Variants in SNRNP48 observed in about 807,000 individuals in gnomAD.
The protein encoded by SNRNP48 is U11/U12 small nuclear ribonucleoprotein 48 kDa protein.
In SNRNP48, 43 loss-of-function variants were observed where a neutral mutation model predicts 47.0. That is an observed-to-expected ratio of 0.92 (90% CI 0.72 to 1.18). SNRNP48 has a LOEUF of 1.18. SNRNP48 is among the 50% of genes most tolerant of loss of function. The probability of loss-of-function intolerance (pLI) is 0.00; values close to 1 mark genes in which losing one functional copy is unlikely to be tolerated. For missense variants in SNRNP48, 396 were observed against 422.2 expected, an observed-to-expected ratio of 0.94 and a Z score of 0.54; for synonymous variants, 138 against 144.0, an observed-to-expected ratio of 0.96 and a Z score of 0.30.
intron 8 of SNRNP48, among the ~76,000 whole-genome samples, chr6:7,606,784 T>A (rs1760137373): frequency 6.6e-6 from 1 of 152,214 alleles, no homozygotes; most frequent in Non-Finnish European, 1.5e-5. Context: ...TAAACTTACC[T>A]TTTTCTCAAT....
Position 7,595,694 on chromosome 6 carries a change from T to C in SNRNP48, c.406+593T>C, listed in dbSNP as rs368455101. Among the ~76,000 whole-genome samples, 30 of 152,306 alleles carry C rather than the reference T, an allele frequency of 2.0e-4. No homozygotes were observed. The East Asian group carries it at 3.3e-3, about 17-fold the overall frequency. Reference sequence around the variant, plus strand: ...TGCAGTGTAAAGAAAAGGCTTAGGCTAAAAGAGATTAGTCTCCACAGCTAC... The same window carrying C: ...TGCAGTGTAAAGAAAAGGCTTAGGCCAAAAGAGATTAGTCTCCACAGCTAC... On this transcript the variant is annotated intron_variant, in intron 4 of 8. Coordinates refer to ENST00000342415, the MANE Select transcript of SNRNP48 (RefSeq NM_152551.4).
rs748245147 is a variant in SNRNP48 at position 7,595,008 on chromosome 6, A to ATTT, written c.332-8_332-6dup. ...CTGATGATTCATATTGTATTTATGG[A>ATTT]TTTTTTTTTTTTTGACAGATAAGGA... On this transcript the variant is annotated intron_variant, in intron 3 of 8. Coordinates refer to ENST00000342415, the MANE Select transcript of SNRNP48 (RefSeq NM_152551.4). 1.6e-6 allele frequency: 2 copies of ATTT among 1,255,908 alleles called. No individual in the cohort carries two copies. The highest frequency in any genetic ancestry group is 1.4e-5 in the South Asian group (1 of 71,110). The allele number at this position is 1,255,908 out of a possible 1,614,324, so 77.8% of individuals were successfully genotyped here.
intron 4 of SNRNP48, chr6:7,600,110 T>C: frequency 1.0e-6 from 1 of 994,314 alleles, no homozygotes; most frequent in South Asian, 4.5e-5. Context: ...ATAAAATTGA[T>C]TGACTTGAAA....
intron 8 of SNRNP48, among the ~76,000 whole-genome samples, chr6:7,607,527 C>T (rs1477389783): frequency 6.6e-6 from 1 of 152,156 alleles, no homozygotes; most frequent in Admixed American, 6.6e-5. Flanking sequence ...TGCTGCCTAC[C>T]TCTTTTTAAA....
intron 4 of SNRNP48, among the ~76,000 whole-genome samples, chr6:7,595,575 G>A (rs565031018): frequency 1.3e-5 from 2 of 152,176 alleles, no homozygotes; most frequent in Admixed American, 6.5e-5. Flanking sequence ...TGGGTTTATC[G>A]GGATGTAACC....
At position 7,608,835 on chromosome 6, in the gene SNRNP48, A is replaced by G. The variant is rs770716857; in HGVS notation, c.982A>G (p.Arg328Gly). Residue 328 changes from arginine (R) to glycine (G), a missense_variant, in exon 9 of 9, where the codon AGA becomes GGA. Physicochemically the swap from Arg to Gly is moderately radical, Grantham distance 125. Coordinates refer to ENST00000342415, the MANE Select transcript of SNRNP48 (RefSeq NM_152551.4). ...CCTCTTTTATTTCAGGGATGGGGAAAGACACCATAGTCATAAAAGAAGAAA... is the reference window on the plus strand; with the variant it reads ...CCTCTTTTATTTCAGGGATGGGGAAGGACACCATAGTCATAAAAGAAGAAA... The part of the protein sequence containing the change: ...SRRRKERDGE[R>G]HHSHKRRKQK... 8 of 1,516,704 alleles carry G rather than the reference A, an allele frequency of 5.3e-6. No homozygotes were observed. The highest frequency in any genetic ancestry group is 1.4e-5 in the African/African-American group (1 of 71,142). The allele number at this position is 1,516,704 out of a possible 1,614,324, so 94.0% of individuals were successfully genotyped here.
chr6:7,605,973 A>G (rs2113723379), intron 7 of SNRNP48, 58 bp from the exon 8 acceptor site: 1 of 1,509,180 alleles, frequency 6.6e-7, no homozygotes, highest in African/African-American at 1.4e-5. Context: ...GTGTCTGTGT[A>G]CGTATACTGG....
At chr6:7,602,890 A>T (rs1335376553) in intron 6 of SNRNP48, 146 bp downstream of exon 6, 5 of 615,622 alleles carry the variant, frequency 8.1e-6, no homozygotes, top group Non-Finnish European at 1.3e-5. Context: ...CATCACTTCT[A>T]GATCCACCCT....
chr6:7,604,379 T>G (rs1760087469), intron 6 of SNRNP48, among the ~76,000 whole-genome samples: 1 of 151,984 alleles, frequency 6.6e-6, no homozygotes, highest in Non-Finnish European at 1.5e-5. Flanking sequence ...AGTATAGGAG[T>G]TTTTCAGAGA....
chr6:7,608,766 G>A (rs1388246312), intron 8 of SNRNP48, 59 bp from the exon 9 acceptor site: 4 of 904,104 alleles, frequency 4.4e-6, no homozygotes, highest in African/African-American at 1.7e-5. Flanking sequence ...TTATTTTAAA[G>A]CTCTGATATT....
In SNRNP48 at chr6:7,593,829, C is replaced by CTA; in HGVS notation, c.255_256dup (p.Thr86IlefsTer19). ...CATCTTGTAGATTGAGGAAAATGGG[C>CTA]TATACCAAAGAAGAAGAGGTACCAT... On this transcript the variant is annotated frameshift_variant, in exon 2 of 9. Transcript: ENST00000342415. LOFTEE classifies it high-confidence loss of function. The CTA allele has an allele frequency of 6.3e-7, 1 of 1,588,094 alleles. No homozygotes were observed. Among genetic ancestry groups the CTA allele is most frequent in the South Asian group, 1.2e-5 (1 of 85,298 alleles).
intron 4 of SNRNP48, 25 bp downstream of exon 4, chr6:7,595,126 A>G: frequency 1.3e-6 from 2 of 1,508,494 alleles, no homozygotes. Flanking sequence ...AGTTTAAGTG[A>G]ATTAAAGAAT....
At position 7,594,089 on chromosome 6, in the gene SNRNP48, T is replaced by C; in HGVS notation, c.271-10T>C. On this transcript the variant is annotated splice_polypyrimidine_tract_variant and intron_variant, in intron 2 of 8. Coordinates refer to ENST00000342415, the MANE Select transcript of SNRNP48 (RefSeq NM_152551.4). ...TGATACTTAAGAACAGTAAGATTCT[T>C]TTTTTTCAGGATGAAATGTATAATC... is the stretch of plus-strand genomic sequence containing the variant. 1 of 1,414,308 alleles carries C rather than the reference T, an allele frequency of 7.1e-7. No individual in the cohort carries two copies. The highest frequency in any genetic ancestry group is 9.6e-7 in the Non-Finnish European group (1 of 1,046,448). 87.6% of individuals were successfully genotyped at this position (1,414,308 alleles called of 1,614,324 possible).
chr6:7,593,715 TTC>T lies in SNRNP48; in HGVS notation c.157-17_157-16del, dbSNP rs750078883. 3 of 1,471,862 alleles carry T rather than the reference TTC, an allele frequency of 2.0e-6. No individual in the cohort carries two copies. The East Asian group carries it at 6.9e-5, about 34-fold the overall frequency. The allele number at this position is 1,471,862 out of a possible 1,614,324, so 91.2% of individuals were successfully genotyped here. ...AATATTATGTACCTATTTTCTTTGTTTCTGTTTGATTTTTATAGGATGAAGTT... is the reference window on the plus strand; with the variant it reads ...AATATTATGTACCTATTTTCTTTGTTTGTTTGATTTTTATAGGATGAAGTT... On this transcript the variant is annotated splice_polypyrimidine_tract_variant and intron_variant, in intron 1 of 8. Coordinates refer to ENST00000342415, the MANE Select transcript of SNRNP48 (RefSeq NM_152551.4).
rs371603226 is a variant in SNRNP48, at chr6:7,606,031, G to A, written c.807G>A (p.Lys269=). 90 of 1,594,498 alleles carry A rather than the reference G, an allele frequency of 5.6e-5. 1 individual carries two copies. The African/African-American group carries it at 1.2e-3, about 21-fold the overall frequency. ...ATTAACATTCTTTTCTGTGTTTTAGGAATGAAGAAAGGCGATCAGCTTCAG... is the reference window on the plus strand; with the variant it reads ...ATTAACATTCTTTTCTGTGTTTTAGAAATGAAGAAAGGCGATCAGCTTCAG... The part of the protein sequence containing the change: ...EQEKAEDDAE[K]NEERRSASVD... Residue 269 remains lysine (K), a splice_region_variant and synonymous_variant, in exon 8 of 9, where the codon AAG becomes AAA. Coordinates refer to ENST00000342415, the MANE Select transcript of SNRNP48 (RefSeq NM_152551.4).
intron 1 of SNRNP48, among the ~76,000 whole-genome samples, chr6:7,590,794 A>C (rs1461006159): frequency 6.6e-6 from 1 of 152,186 alleles, no homozygotes; most frequent in Non-Finnish European, 1.5e-5. Context: ...CCTGGGCAAC[A>C]TGGTGAAACC....
chr6:7,590,324 G>T lies in SNRNP48; in HGVS notation c.67G>T (p.Glu23Ter). 7.1e-7 allele frequency: 1 copy of T among 1,410,036 alleles called. No homozygotes were observed. The highest frequency in any genetic ancestry group is 9.4e-7 in the Non-Finnish European group (1 of 1,067,964). The allele number at this position is 1,410,036 out of a possible 1,614,324, so 87.3% of individuals were successfully genotyped here. ...GCAGGAGGAGCTGAACGAGTTCGTG[G>T]AGAGCGGCTGCCGGACGTTGGAGGA... is the stretch of plus-strand genomic sequence containing the variant. ...RLQEELNEFV[E>*]SGCRTLEEVT... Residue 23 changes from glutamate (E) to a stop codon, truncating the protein, a stop_gained, in exon 1 of 9, where the codon GAG (glutamate) becomes TAG (stop). Transcript: ENST00000342415. LOFTEE classifies it high-confidence loss of function.
At chr6:7,600,972 G>A (rs1456170940) in intron 4 of SNRNP48, 1 of 161,642 alleles carries the variant, frequency 6.2e-6, no homozygotes, top group African/African-American at 2.4e-5. Flanking sequence ...ACTTTGATGG[G>A]GAAAAGCATA....
Position 7,600,171 on chromosome 6 carries a change from G to A in SNRNP48, c.407-1165G>A, listed in dbSNP as rs146291470. ...CAAAACCCTTTGACGAGTAAAAATG[G>A]CCATATATTGTTATGTATAGCCGTG... On this transcript the variant is annotated intron_variant, in intron 4 of 8. Transcript: ENST00000342415. 2.0e-4 allele frequency: 197 copies of A among 991,308 alleles called. 2 individuals are homozygous for A. In the East Asian group the frequency reaches 0.015, roughly 78 times the overall value. The allele number at this position is 991,308 out of a possible 1,614,324, so 61.4% of individuals were successfully genotyped here. A position where few individuals can be genotyped will look rare whatever the true frequency, so the allele number is the denominator to read the frequency against.
Sources: gnomAD v4.1 joint callset for allele counts (sites outside exome capture counted in the v4.1 genomes callset) on GRCh38, gnomAD v4.1.1 for gene constraint, MANE v1.5 for transcripts, NCBI Gene and HGNC (gene_info 2026-07-23, HGNC 2026-07-21) for gene names.